Variants in CEP112 observed in about 807,000 individuals in gnomAD.
CEP112 encodes centrosomal protein of 112 kDa.
A neutral mutation model predicts 153.0 loss-of-function variants in CEP112; 127 were observed. The observed-to-expected ratio is 0.83, with a 90% CI of 0.72 to 0.96. The LOEUF (loss-of-function observed/expected upper bound fraction) is 0.96, where lower values mean the gene tolerates loss of function less well. Among genes scored for constraint, CEP112 ranks in the 40% least tolerant of loss-of-function variants. The pLI, the probability that CEP112 is intolerant of heterozygous loss-of-function variation, is 0.00. For synonymous variants in CEP112, 358 were observed against 374.4 expected, an observed-to-expected ratio of 0.96 and a Z score of 0.51; for missense variants, 1,089 against 1,101.2, an observed-to-expected ratio of 0.99 and a Z score of 0.16.
chr17:65,861,751 G>T (rs1452825442), intron 20 of CEP112, among the ~76,000 whole-genome samples: 1 of 152,120 alleles, frequency 6.6e-6, no homozygotes, highest in Non-Finnish European at 1.5e-5. Context: ...CCAAATGCTG[G>T]CAAGAATGTG....
At chr17:65,921,276 G>A (rs2060718675) in intron 19 of CEP112, among the ~76,000 whole-genome samples, 1 of 152,112 alleles carries the variant, frequency 6.6e-6, no homozygotes, top group African/African-American at 2.4e-5. Context: ...AAGGAAATGA[G>A]CTTAGTTTAA....
chr17:65,694,227 C>A (rs1323520046), intron 23 of CEP112, among the ~76,000 whole-genome samples: 1 of 152,132 alleles, frequency 6.6e-6, no homozygotes, highest in East Asian at 1.9e-4. Context: ...CACACTCAGA[C>A]AGGCAGAGGA....
chr17:65,920,388 TA>T (rs2060671134), intron 19 of CEP112, among the ~76,000 whole-genome samples: 2 of 108,936 alleles, frequency 1.8e-5, no homozygotes, highest in Non-Finnish European at 3.8e-5. Flanking sequence ...TATATATATA[TA>T]TATATATATA....
chr17:66,010,538 G>T (rs1158024454), intron 16 of CEP112, among the ~76,000 whole-genome samples: 4 of 152,090 alleles, frequency 2.6e-5, no homozygotes, highest in Non-Finnish European at 5.9e-5. Context: ...CCTTGCTGAG[G>T]TTTTCAAAGG....
At position 66,043,722 on chromosome 17, in the gene CEP112, G is replaced by A. The variant is rs540971857; in HGVS notation, c.1218+10014C>T. Among the ~76,000 whole-genome samples the A allele has an allele frequency of 2.7e-4, 41 of 152,170 alleles. No homozygotes were observed. The South Asian group carries it at 8.3e-3, about 31-fold the overall frequency. On this transcript the variant is annotated intron_variant, in intron 12 of 26. Transcript: ENST00000535342. ...TTAATATTTGTTTTAAAAATCTATTGTTTGCATATTTTCACTATGAGTTTC... is the reference window on the plus strand; with the variant it reads ...TTAATATTTGTTTTAAAAATCTATTATTTGCATATTTTCACTATGAGTTTC...
intron 21 of CEP112, among the ~76,000 whole-genome samples, chr17:65,816,778 G>A (rs2056293556): frequency 6.6e-6 from 1 of 151,754 alleles, no homozygotes; most frequent in South Asian, 2.1e-4. Context: ...ATCTAGTTTT[G>A]TTATCAGGAT....
At chr17:65,866,814 A>G (rs1434803353) in intron 20 of CEP112, among the ~76,000 whole-genome samples, 2 of 152,008 alleles carry the variant, frequency 1.3e-5, no homozygotes, top group African/African-American at 4.8e-5. Flanking sequence ...TACGGAGAGG[A>G]GCTACCCACT....
chr17:66,107,660 A>C, intron 6 of CEP112, among the ~76,000 whole-genome samples: 1 of 152,118 alleles, frequency 6.6e-6, no homozygotes, highest in East Asian at 1.9e-4. Context: ...CAAAAAAATG[A>C]AAAGATATTC....
intron 4 of CEP112, among the ~76,000 whole-genome samples, chr17:66,174,452 T>C (rs1332862044): frequency 1.3e-5 from 2 of 152,180 alleles, no homozygotes; most frequent in African/African-American, 2.4e-5. Context: ...GTATGGTACA[T>C]GGTAATTGAC....
At chr17:65,938,386 T>A (rs894849171) in intron 18 of CEP112, among the ~76,000 whole-genome samples, 3 of 115,548 alleles carry the variant, frequency 2.6e-5, no homozygotes, top group African/African-American at 3.4e-5. Context: ...CAAATCCCCC[T>A]CTGGGAGAAA....
intron 24 of CEP112, among the ~76,000 whole-genome samples, chr17:65,685,656 C>A (rs1598307782): frequency 1.4e-5 from 2 of 145,280 alleles, no homozygotes. Flanking sequence ...GTGTCTGTGA[C>A]AATAGTTCTA....
chr17:65,768,184 T>G (rs1157394497), intron 21 of CEP112, among the ~76,000 whole-genome samples: 1 of 152,084 alleles, frequency 6.6e-6, no homozygotes, highest in Non-Finnish European at 1.5e-5. Flanking sequence ...ATTACATTTA[T>G]CCTACACTTT....
At chr17:66,010,289 T>C (rs1010277391) in intron 16 of CEP112, among the ~76,000 whole-genome samples, 1 of 152,208 alleles carries the variant, frequency 6.6e-6, no homozygotes, top group Non-Finnish European at 1.5e-5. Context: ...AGAATGCTAG[T>C]GATTTTTGTA....
rs376991933 is a variant in CEP112 at position 66,005,776 on chromosome 17, T to A, written c.1657-7A>T. 5.6e-6 allele frequency: 9 copies of A among 1,593,218 alleles called. 1 individual carries two copies. The South Asian group carries it at 1.0e-4, about 18-fold the overall frequency. ...CACTCTGCAAGTCATGAGCCTGCCA[T>A]GACAAGAACATGGAAAATTTATTGG... On this transcript the variant is annotated splice_polypyrimidine_tract_variant and splice_region_variant and intron_variant, in intron 16 of 26. Coordinates refer to ENST00000535342, the MANE Select transcript of CEP112 (RefSeq NM_001199165.4).
At chr17:66,020,046 TC>T (rs999725388) in intron 16 of CEP112, among the ~76,000 whole-genome samples, 2 of 152,310 alleles carry the variant, frequency 1.3e-5, no homozygotes, top group African/African-American at 4.8e-5. Context: ...AGCCAGTGCA[TC>T]CCTTTCTCCT....
chr17:65,676,887 G>C (rs777472067), intron 24 of CEP112, among the ~76,000 whole-genome samples: 26 of 152,274 alleles, frequency 1.7e-4, no homozygotes, highest in Admixed American at 3.3e-4. Context: ...AAGCTGAAGA[G>C]TAGAAAAATA....
chr17:66,155,898 T>C (rs1300098160), intron 4 of CEP112, among the ~76,000 whole-genome samples: 1 of 152,102 alleles, frequency 6.6e-6, no homozygotes, highest in Non-Finnish European at 1.5e-5. Flanking sequence ...GGCTTATAGA[T>C]AAAACTCCCA....
chr17:66,129,870 A>G (rs1453481508), intron 5 of CEP112, 47 bp from the exon 6 acceptor site: 4 of 1,191,148 alleles, frequency 3.4e-6, no homozygotes, highest in Admixed American at 3.8e-5. Context: ...GGAAAGATGG[A>G]AGAAATAAAA....
chr17:66,031,481 T>G (rs200756175), intron 12 of CEP112, among the ~76,000 whole-genome samples: 7,378 of 34,860 alleles, frequency 0.21, 1,206 homozygotes, highest in East Asian at 0.71. Context: ...TTGTTTTTTT[T>G]TTTTGTTTTT....
Sources: allele counts gnomAD v4.1 joint callset (sites outside exome capture counted in the v4.1 genomes callset), GRCh38; gene constraint gnomAD v4.1.1; transcripts MANE v1.5; gene names NCBI Gene and HGNC (gene_info 2026-07-23, HGNC 2026-07-21).